CPNE4: variants seen among roughly 807,000 people sequenced by gnomAD.
The protein encoded by CPNE4 is copine-4.
In CPNE4, 25 loss-of-function variants were observed where a neutral mutation model predicts 67.9. The ratio of observed to expected loss-of-function variants is 0.37; its 90% CI spans 0.27 to 0.51. The LOEUF is 0.51. Among genes scored for constraint, CPNE4 ranks in the 20% least tolerant of loss-of-function variants. The pLI is 0.93. For missense variants in CPNE4, 464 were observed against 690.8 expected (o/e 0.67, Z 3.68); for synonymous variants, 242 against 244.9 (o/e 0.99, Z 0.11).
intron 1 of CPNE4, among the ~76,000 whole-genome samples, chr3:131,996,852 A>C (rs1277989530): frequency 6.6e-6 from 1 of 152,134 alleles, no homozygotes; most frequent in Non-Finnish European, 1.5e-5. Context: ...CCAGAGTTTC[A>C]GGAGACCTAG....
At chr3:131,668,279 C>T (rs915890545) in intron 7 of CPNE4, among the ~76,000 whole-genome samples, 2 of 152,118 alleles carry the variant, frequency 1.3e-5, no homozygotes, top group South Asian at 2.1e-4. Context: ...ATCAATGAAT[C>T]AAAAAATTGT....
intron 2 of CPNE4, among the ~76,000 whole-genome samples, chr3:131,735,609 A>G: frequency 6.6e-6 from 1 of 152,244 alleles, no homozygotes; most frequent in East Asian, 1.9e-4. Context: ...TACATATATT[A>G]ATATCCAACC....
intron 1 of CPNE4, among the ~76,000 whole-genome samples, chr3:132,031,977 C>T (rs1159737250): frequency 6.6e-6 from 1 of 152,072 alleles, no homozygotes; most frequent in African/African-American, 2.4e-5. Context: ...TTCCTACTAA[C>T]TGAAATGAGG....
intron 7 of CPNE4, among the ~76,000 whole-genome samples, chr3:131,651,604 C>T (rs1013137645): frequency 6.6e-6 from 1 of 152,150 alleles, no homozygotes; most frequent in African/African-American, 2.4e-5. Context: ...CAGACCTGGG[C>T]TTCAGGTTCT....
intron 2 of CPNE4, among the ~76,000 whole-genome samples, chr3:131,860,040 G>A (rs181114486): frequency 1.4e-3 from 209 of 152,104 alleles, no homozygotes; most frequent in African/African-American, 4.6e-3. Flanking sequence ...AAATCACCTT[G>A]TCCTAGGTTT....
intron 2 of CPNE4, among the ~76,000 whole-genome samples, chr3:131,792,608 TGTGTATATATGTATATATATATACACAC>T (rs1160785319): frequency 2.2e-5 from 2 of 91,368 alleles, no homozygotes; most frequent in African/African-American, 3.7e-5. Context: ...TATATGTGTG[TGTGTATATATGTATATATATATACACAC>T]GTGTATATAT....
At chr3:131,642,404 C>T (rs1321972341) in intron 7 of CPNE4, among the ~76,000 whole-genome samples, 2 of 152,118 alleles carry the variant, frequency 1.3e-5, no homozygotes, top group Non-Finnish European at 2.9e-5. Context: ...GCCCTAAGAA[C>T]ACTTCTGCTA....
At chr3:131,955,466 TTC>T (rs2071935787) in intron 1 of CPNE4, among the ~76,000 whole-genome samples, 1 of 134,934 alleles carries the variant, frequency 7.4e-6, no homozygotes, top group East Asian at 2.4e-4. Context: ...AGCTGCCTCC[TTC>T]TCTCTTGGTT....
chr3:131,924,125 A>G (rs1347629130), intron 1 of CPNE4, among the ~76,000 whole-genome samples: 1 of 152,184 alleles, frequency 6.6e-6, no homozygotes, highest in Non-Finnish European at 1.5e-5. Context: ...AGGACAGTGA[A>G]AGAACAAAAG....
At chr3:131,904,803 C>T (rs2088682787) in intron 2 of CPNE4, among the ~76,000 whole-genome samples, 2 of 152,070 alleles carry the variant, frequency 1.3e-5, no homozygotes, top group South Asian at 4.1e-4. Flanking sequence ...TCACTTCTCT[C>T]TCAACCCCCT....
intron 1 of CPNE4, among the ~76,000 whole-genome samples, chr3:131,936,192 A>C (rs1461151): frequency 0.98 from 149,330 of 151,862 alleles, 73,487 homozygotes; most frequent in Middle Eastern, 1. Flanking sequence ...AGCTACAGAA[A>C]ATCAAAACAT....
intron 10 of CPNE4, 39 bp from the exon 11 acceptor site, chr3:131,564,388 G>A (rs1936950797): frequency 6.3e-7 from 1 of 1,586,294 alleles, no homozygotes; most frequent in South Asian, 1.2e-5. Flanking sequence ...AATTTAAAGT[G>A]GATGCATCTC....
In CPNE4 at chr3:131,763,112, C is replaced by T. The variant is rs2082929950; in HGVS notation, c.181-39487G>A. ...TAATTTATATTTCCCCCAAGAAGTTCTGAGTTGATGCAGGTGTCTTTAATT... is the reference window on the plus strand; with the variant it reads ...TAATTTATATTTCCCCCAAGAAGTTTTGAGTTGATGCAGGTGTCTTTAATT... On this transcript the variant is annotated intron_variant, in intron 2 of 15. Coordinates refer to ENST00000429747, the MANE Select transcript of CPNE4 (RefSeq NM_130808.3). 2.0e-5 allele frequency among the ~76,000 whole-genome samples: 3 copies of T among 152,038 alleles called. No individual in the cohort carries two copies. The South Asian group carries it at 6.2e-4, about 32-fold the overall frequency.
chr3:132,025,910 G>T (rs935232055), intron 1 of CPNE4, among the ~76,000 whole-genome samples: 1 of 152,164 alleles, frequency 6.6e-6, no homozygotes. Context: ...CATTTGAGGT[G>T]AGGACTGTGA....
intron 1 of CPNE4, chr3:131,986,070 G>T (rs1300164931): frequency 6.5e-6 from 1 of 152,946 alleles, no homozygotes; most frequent in Non-Finnish European, 1.5e-5. Flanking sequence ...ATTAGTAACT[G>T]CTAAATGGTA....
At chr3:131,934,088 A>G (rs1444521250) in intron 1 of CPNE4, among the ~76,000 whole-genome samples, 2 of 152,194 alleles carry the variant, frequency 1.3e-5, no homozygotes, top group Non-Finnish European at 2.9e-5. Flanking sequence ...AGGCACTGCA[A>G]AGGAAGAGAT....
At chr3:131,575,226 A>G (rs1937522399) in intron 9 of CPNE4, 96 bp from the exon 10 acceptor site, 1 of 1,000,566 alleles carries the variant, frequency 1.0e-6, no homozygotes, top group South Asian at 1.3e-5. Context: ...AAGCTGCTAA[A>G]CCAGAGGAAA....
chr3:131,883,008 T>G (rs964111719), intron 2 of CPNE4, among the ~76,000 whole-genome samples: 1 of 152,086 alleles, frequency 6.6e-6, no homozygotes, highest in Non-Finnish European at 1.5e-5. Flanking sequence ...TGAGCCACCA[T>G]GCCAGGCCAG....
At chr3:131,948,018 A>G (rs1030355240) in intron 1 of CPNE4, among the ~76,000 whole-genome samples, 3 of 151,264 alleles carry the variant, frequency 2.0e-5, no homozygotes, top group African/African-American at 7.2e-5. Flanking sequence ...CTCTGTGAAC[A>G]TGGGGTGTCT....
Sources: allele counts gnomAD v4.1 joint callset (sites outside exome capture counted in the v4.1 genomes callset), GRCh38; gene constraint gnomAD v4.1.1; transcripts MANE v1.5; gene names NCBI Gene and HGNC (gene_info 2026-07-23, HGNC 2026-07-21).